PRR16: variants seen among roughly 807,000 people sequenced by gnomAD.
PRR16 encodes proline rich 16, also known as protein Largen.
A neutral mutation model predicts 18.2 loss-of-function variants in PRR16; 6 were observed. The observed-to-expected ratio is 0.33, with a 90% CI of 0.18 to 0.65. The LOEUF (loss-of-function observed/expected upper bound fraction) is 0.65. Ranked by LOEUF, PRR16 falls within the 30% of genes least tolerant of loss-of-function variation. The pLI is 0.74. For missense variants in PRR16, 412 were observed against 376.6 expected (o/e 1.09, Z -0.78); for synonymous variants, 151 against 147.8 (o/e 1.02, Z -0.16).
At position 120,686,626 on chromosome 5, in the gene PRR16, A is replaced by T. The variant is rs149836410; in HGVS notation, c.832A>T (p.Ile278Phe). 1 of 1,608,478 alleles carries T rather than the reference A, an allele frequency of 6.2e-7. No homozygotes were observed. The highest frequency in any genetic ancestry group is 8.5e-7 in the Non-Finnish European group (1 of 1,176,714). Residue 278 changes from isoleucine to phenylalanine, a missense_variant, in exon 2 of 2, where the codon ATC (isoleucine) becomes TTC (phenylalanine). Coordinates refer to ENST00000407149, the MANE Select transcript of PRR16 (RefSeq NM_001300783.2). ...AAGCCACAGTAACAGCTTCCCCCCT[A>T]TCAGACCTGCAACTGTGCCTCCTCC... ...GISHSNSFPPIRPATVPPPTA... is the reference protein window; with the variant it reads ...GISHSNSFPPFRPATVPPPTA...
At chr5:120,756,758 A>G in the PRR16 span, among the ~76,000 whole-genome samples, 5 of 152,008 alleles carry the variant, frequency 3.3e-5, no homozygotes, top group African/African-American at 7.2e-5. Flanking sequence ...TGTTGACTGC[A>G]TTGATAGTTT....
At chr5:120,766,202 A>C in the PRR16 span, among the ~76,000 whole-genome samples, 1 of 151,974 alleles carries the variant, frequency 6.6e-6, no homozygotes, top group African/African-American at 2.4e-5. Context: ...ATTAATGCAA[A>C]TTTACACCTG....
chr5:120,669,156 A>C (rs1332438900), intron 1 of PRR16, among the ~76,000 whole-genome samples: 1 of 152,144 alleles, frequency 6.6e-6, no homozygotes, highest in East Asian at 1.9e-4. Context: ...TGTGCTGATG[A>C]ACTCCTTCAA....
At chr5:120,535,618 G>A (rs1193174479) in intron 1 of PRR16, among the ~76,000 whole-genome samples, 2 of 151,378 alleles carry the variant, frequency 1.3e-5, no homozygotes, top group Non-Finnish European at 2.9e-5. Flanking sequence ...TGGCCAACAT[G>A]GTGAAATCAC....
chr5:120,644,680 A>G (rs888416773), intron 1 of PRR16, among the ~76,000 whole-genome samples: 5 of 152,130 alleles, frequency 3.3e-5, no homozygotes, highest in African/African-American at 9.7e-5. Context: ...TTTATGATGC[A>G]TAGTCATGAT....
chr5:120,633,233 C>G (rs531408916), intron 1 of PRR16, among the ~76,000 whole-genome samples: 3 of 152,088 alleles, frequency 2.0e-5, no homozygotes, highest in Non-Finnish European at 2.9e-5. Flanking sequence ...AAAAGGAGCT[C>G]TAAATCCTGA....
intron 1 of PRR16, among the ~76,000 whole-genome samples, chr5:120,627,643 T>C (rs1754910820): frequency 6.6e-6 from 1 of 152,080 alleles, no homozygotes; most frequent in South Asian, 2.1e-4. Flanking sequence ...AGGAAAGTAT[T>C]ATAGATTATT....
intron 1 of PRR16, among the ~76,000 whole-genome samples, chr5:120,684,559 A>T (rs1466977677): frequency 1.3e-5 from 2 of 152,240 alleles, no homozygotes; most frequent in East Asian, 3.8e-4. Flanking sequence ...TTTTAAAACA[A>T]TCCATAACTT....
rs148475469 is a variant in PRR16 at position 120,670,200 on chromosome 5, TC to T, written c.160-15753del. ...GAAAAAATATTCTATGTTTTGCCTT[TC>T]TCAGTACCACATATAGAACATGTGT... is the stretch of plus-strand genomic sequence containing the variant. On this transcript the variant is annotated intron_variant, in intron 1 of 1. Transcript: ENST00000407149. Among the ~76,000 whole-genome samples, 576 of 152,220 alleles carry T rather than the reference TC, an allele frequency of 3.8e-3. 6 individuals are homozygous for T. The highest frequency in any genetic ancestry group is 0.014 in the African/African-American group (562 of 41,560).
intron 1 of PRR16, among the ~76,000 whole-genome samples, chr5:120,585,051 A>G (rs1288785405): frequency 6.6e-6 from 1 of 152,230 alleles, no homozygotes; most frequent in Non-Finnish European, 1.5e-5. Flanking sequence ...CTAAACAACA[A>G]AATATTTGCC....
intron 1 of PRR16, among the ~76,000 whole-genome samples, chr5:120,568,316 A>G (rs1021426451): frequency 6.6e-6 from 1 of 152,130 alleles, no homozygotes; most frequent in Admixed American, 6.5e-5. Context: ...AAGTACCTGT[A>G]CTGTTAAAAA....
chr5:120,613,817 C>G (rs1315781928), intron 1 of PRR16, among the ~76,000 whole-genome samples: 4 of 152,152 alleles, frequency 2.6e-5, no homozygotes, highest in Non-Finnish European at 5.9e-5. Flanking sequence ...GAAATCTGGA[C>G]TGAGAATCCA....
intron 1 of PRR16, among the ~76,000 whole-genome samples, chr5:120,543,952 T>G (rs1415044144): frequency 6.6e-6 from 1 of 152,158 alleles, no homozygotes; most frequent in Non-Finnish European, 1.5e-5. Flanking sequence ...AGATGGATGA[T>G]TTGGTAATTC....
chr5:120,558,609 T>C (rs1336555270), intron 1 of PRR16, among the ~76,000 whole-genome samples: 1 of 151,980 alleles, frequency 6.6e-6, no homozygotes, highest in Non-Finnish European at 1.5e-5. Context: ...GCAACAAATA[T>C]AGGAGTGCAG....
intron 1 of PRR16, among the ~76,000 whole-genome samples, chr5:120,503,005 C>A (rs1433144781): frequency 1.3e-5 from 2 of 152,010 alleles, no homozygotes; most frequent in Non-Finnish European, 2.9e-5. Flanking sequence ...GTTCGCAATT[C>A]CATGTTATGC....
At chr5:120,618,788 G>A (rs922754600) in intron 1 of PRR16, among the ~76,000 whole-genome samples, 16 of 150,716 alleles carry the variant, frequency 1.1e-4, no homozygotes, top group Non-Finnish European at 2.2e-4. Flanking sequence ...AATTCACCTC[G>A]AAGCTATACA....
At chr5:120,655,784 A>C (rs1010769322) in intron 1 of PRR16, among the ~76,000 whole-genome samples, 86 of 151,248 alleles carry the variant, frequency 5.7e-4, no homozygotes, top group African/African-American at 2.0e-3. Flanking sequence ...GAAGGTGGTC[A>C]AATGAGAAGG....
chr5:120,475,518 G>T (rs953330427), intron 1 of PRR16, among the ~76,000 whole-genome samples: 5 of 151,942 alleles, frequency 3.3e-5, no homozygotes, highest in African/African-American at 1.2e-4. Flanking sequence ...CAGGAGGATT[G>T]CTTGAGGCCA....
At chr5:120,639,108 T>C (rs977826896) in intron 1 of PRR16, among the ~76,000 whole-genome samples, 1 of 152,104 alleles carries the variant, frequency 6.6e-6, no homozygotes, top group African/African-American at 2.4e-5. Flanking sequence ...GAATGACATT[T>C]TTTACTAGCA....
Sources: gnomAD v4.1 joint callset for allele counts (sites outside exome capture counted in the v4.1 genomes callset) on GRCh38, gnomAD v4.1.1 for gene constraint, MANE v1.5 for transcripts, NCBI Gene and HGNC (gene_info 2026-07-23, HGNC 2026-07-21) for gene names.